Variants in MPHOSPH6 observed in about 807,000 individuals in gnomAD.
MPHOSPH6 encodes M-phase phosphoprotein 6.
MPHOSPH6 carries 25 observed loss-of-function variants against 21.8 expected under a neutral mutation model. The observed-to-expected ratio is 1.15, with a 90% CI of 0.83 to 1.60. MPHOSPH6 has a LOEUF of 1.60. MPHOSPH6 is among the 40% of genes most tolerant of loss of function. The pLI is 0.00. For missense variants in MPHOSPH6, 269 were observed against 181.8 expected (o/e 1.48, Z -2.76); for synonymous variants, 84 against 56.5 (o/e 1.49, Z -2.18).
intron 2 of MPHOSPH6, among the ~76,000 whole-genome samples, chr16:82,161,129 C>T (rs554991045): frequency 1.4e-4 from 22 of 152,332 alleles, no homozygotes; most frequent in Middle Eastern, 3.4e-3. Context: ...ACCAGTTCTT[C>T]GGTATTCATT....
chr16:82,154,526 A>G lies in MPHOSPH6; in HGVS notation c.165-3012T>C, dbSNP rs114035551. On this transcript the variant is annotated intron_variant, in intron 2 of 4. Transcript: ENST00000258169. ...GAAATTAGTAGAAATGGACTTTAGA[A>G]TAGTTACTGTAAATTTATTCAAGGA... Among the ~76,000 whole-genome samples the G allele has an allele frequency of 7.7e-3, 1,170 of 152,300 alleles. 26 individuals are homozygous for G. Among genetic ancestry groups the G allele is most frequent in the African/African-American group, 0.027 (1,108 of 41,568 alleles).
At chr16:82,155,829 C>A (rs7186070) in intron 2 of MPHOSPH6, among the ~76,000 whole-genome samples, 9 of 151,350 alleles carry the variant, frequency 5.9e-5, no homozygotes, top group South Asian at 2.1e-4. Flanking sequence ...CGCCTGAACC[C>A]GGGAGGTGGA....
chr16:82,160,722 C>G (rs1906580933), intron 2 of MPHOSPH6, among the ~76,000 whole-genome samples: 1 of 152,136 alleles, frequency 6.6e-6, no homozygotes, highest in African/African-American at 2.4e-5. Context: ...GAGTTGGGGA[C>G]AAAAGAGAAA....
chr16:82,158,239 A>C (rs1171160990), intron 2 of MPHOSPH6, among the ~76,000 whole-genome samples: 3 of 152,060 alleles, frequency 2.0e-5, no homozygotes, highest in Non-Finnish European at 4.4e-5. Flanking sequence ...CTGTAATCCC[A>C]GCAGTTTGGG....
rs777564424 is a variant in MPHOSPH6, at chr16:82,149,277, C to G, written c.350+32G>C. The stretch of plus-strand genomic sequence containing the variant: ...TGGGAGAGCCAATGAATGCTAGGTC[C>G]AGATTAGAAGGCTGCTGCGCAGCAC... On this transcript the variant is annotated intron_variant, in intron 4 of 4. Transcript: ENST00000258169. The G allele has an allele frequency of 1.9e-6, 3 of 1,602,466 alleles. No homozygotes were observed. The East Asian group carries it at 6.7e-5, about 36-fold the overall frequency.
chr16:82,160,736 C>T (rs1014390637), intron 2 of MPHOSPH6, among the ~76,000 whole-genome samples: 31 of 152,268 alleles, frequency 2.0e-4, no homozygotes, highest in Admixed American at 5.9e-4. Context: ...AGAGAAATGA[C>T]GCAAACTTGA....
intron 2 of MPHOSPH6, among the ~76,000 whole-genome samples, chr16:82,155,198 G>A (rs935311605): frequency 2.0e-5 from 3 of 152,176 alleles, no homozygotes; most frequent in Admixed American, 1.3e-4. Flanking sequence ...TCTGACCACT[G>A]ATCAGGGGCA....
chr16:82,151,568 A>T, intron 2 of MPHOSPH6, 54 bp from the exon 3 acceptor site: 1 of 1,503,514 alleles, frequency 6.7e-7, no homozygotes, highest in East Asian at 2.3e-5. Context: ...CAGCAAACAA[A>T]AGCCAACACT....
chr16:82,168,708 G>C (rs1042574996), intron 1 of MPHOSPH6, among the ~76,000 whole-genome samples: 2 of 152,158 alleles, frequency 1.3e-5, no homozygotes, highest in African/African-American at 4.8e-5. Context: ...CTGGGCTTAA[G>C]CGATTTGTCT....
chr16:82,152,982 C>G (rs1210802568), intron 2 of MPHOSPH6, among the ~76,000 whole-genome samples: 1 of 152,198 alleles, frequency 6.6e-6, no homozygotes, highest in Non-Finnish European at 1.5e-5. Context: ...AGAGCCTCAG[C>G]TGGGCACAGT....
chr16:82,153,176 C>G (rs1875794052), intron 2 of MPHOSPH6, among the ~76,000 whole-genome samples: 1 of 152,104 alleles, frequency 6.6e-6, no homozygotes, highest in South Asian at 2.1e-4. Flanking sequence ...AGGTTACAGT[C>G]TATAGAAAGA....
intron 2 of MPHOSPH6, among the ~76,000 whole-genome samples, chr16:82,157,916 G>C (rs1242864641): frequency 1.3e-5 from 2 of 152,192 alleles, no homozygotes; most frequent in Admixed American, 1.3e-4. Context: ...AGAGTTACTT[G>C]CATGATAACA....
intron 2 of MPHOSPH6, among the ~76,000 whole-genome samples, chr16:82,156,172 G>A (rs993442553): frequency 6.6e-6 from 1 of 152,172 alleles, no homozygotes; most frequent in South Asian, 2.1e-4. Flanking sequence ...TAACAGGCTA[G>A]AAGAAAATAT....
At position 82,164,156 on chromosome 16, in the gene MPHOSPH6, T is replaced by C. The variant is rs1906689631; in HGVS notation, c.90A>G (p.Gln30=). Reference sequence around the variant, plus strand: ...TGATTTTCTTTTCTTCTTCTTCTAGTTGTTTCTTGGTTTCTGAGTCCAGTC... The same window carrying C: ...TGATTTTCTTTTCTTCTTCTTCTAGCTGTTTCTTGGTTTCTGAGTCCAGTC... ...QRGLDSETKK[Q]LEEEEKKIIS... The change falls in exon 2 of 5, where the codon CAA becomes CAG. Residue 30 remains glutamine, a synonymous_variant. Transcript: ENST00000258169. The C allele has an allele frequency of 6.2e-7, 1 of 1,612,004 alleles. No homozygotes were observed. Among genetic ancestry groups the C allele is most frequent in the African/African-American group, 1.3e-5 (1 of 74,948 alleles).
chr16:82,170,042 T>G, intron 1 of MPHOSPH6, 83 bp downstream of exon 1: 12 of 1,466,422 alleles, frequency 8.2e-6, no homozygotes, highest in Non-Finnish European at 1.0e-5. Context: ...GTGTCCCTTG[T>G]CCGCCCGCCG....
At chr16:82,149,462 G>T in intron 3 of MPHOSPH6, 59 bp from the exon 4 acceptor site, 5 of 1,443,274 alleles carry the variant, frequency 3.5e-6, no homozygotes, top group Non-Finnish European at 4.8e-6. Context: ...AGGAACTGAT[G>T]TCAAACTTAC....
intron 2 of MPHOSPH6, among the ~76,000 whole-genome samples, chr16:82,159,127 G>C (rs1301135339): frequency 6.6e-6 from 1 of 152,186 alleles, no homozygotes; most frequent in Non-Finnish European, 1.5e-5. Context: ...CCTGTGTGAG[G>C]GGGATTTTCT....
chr16:82,149,860 A>G (rs1906207392), intron 3 of MPHOSPH6, among the ~76,000 whole-genome samples: 1 of 151,800 alleles, frequency 6.6e-6, no homozygotes. Flanking sequence ...GGAGAAGTGG[A>G]AGGCTGGCCC....
At chr16:82,157,894 T>C (rs1178115697) in intron 2 of MPHOSPH6, among the ~76,000 whole-genome samples, 3 of 152,190 alleles carry the variant, frequency 2.0e-5, no homozygotes, top group South Asian at 2.1e-4. Flanking sequence ...TGCAGAGTAG[T>C]AGCAGGAGGT....
Sources: allele counts gnomAD v4.1 joint callset (sites outside exome capture counted in the v4.1 genomes callset), GRCh38; gene constraint gnomAD v4.1.1; transcripts MANE v1.5; gene names NCBI Gene and HGNC (gene_info 2026-07-23, HGNC 2026-07-21).